FAM184A: variants seen among roughly 807,000 people sequenced by gnomAD.
The protein encoded by FAM184A is protein FAM184A.
A neutral mutation model predicts 143.8 loss-of-function variants in FAM184A; 99 were observed. The ratio of observed to expected loss-of-function variants is 0.69; its 90% CI spans 0.58 to 0.81. The LOEUF (loss-of-function observed/expected upper bound fraction) is 0.81. FAM184A is among the 40% of genes least tolerant of loss of function. The probability of loss-of-function intolerance (pLI) is 0.00; values close to 1 mark genes in which losing one functional copy is unlikely to be tolerated. For missense variants in FAM184A, 1,217 were observed against 1,310.5 expected (o/e 0.93, Z 1.10); for synonymous variants, 427 against 446.4 (o/e 0.96, Z 0.55).
intron 1 of FAM184A, among the ~76,000 whole-genome samples, chr6:119,046,655 A>T (rs1786546727): frequency 6.6e-6 from 1 of 152,218 alleles, no homozygotes; most frequent in South Asian, 2.1e-4. Flanking sequence ...TGTGCTGTAT[A>T]TCAAGTAAAG....
chr6:119,083,028 C>T (rs1203634524), upstream of FAM184A, among the ~76,000 whole-genome samples: 5 of 152,228 alleles, frequency 3.3e-5, no homozygotes, highest in Non-Finnish European at 5.9e-5. Context: ...GGTTCTCAAA[C>T]GTCAATTCTT....
intron 1 of FAM184A, among the ~76,000 whole-genome samples, chr6:119,112,896 C>A (rs148827976): frequency 5.9e-5 from 9 of 152,130 alleles, no homozygotes; most frequent in African/African-American, 2.2e-4. Flanking sequence ...ATGCCTTCTG[C>A]GAAGAAAATC....
intron 1 of FAM184A, among the ~76,000 whole-genome samples, chr6:119,034,334 G>C (rs1473438124): frequency 1.3e-5 from 2 of 151,578 alleles, no homozygotes; most frequent in African/African-American, 2.4e-5. Context: ...GCAGCTATCA[G>C]AACCCATCAC....
chr6:119,137,489 T>G (rs1285157083), intron 1 of FAM184A, among the ~76,000 whole-genome samples: 2 of 152,166 alleles, frequency 1.3e-5, no homozygotes, highest in Non-Finnish European at 2.9e-5. Flanking sequence ...TAATCTTAAT[T>G]ACCTTCTAAA....
In FAM184A at chr6:119,128,624, T is replaced by A. The variant is rs140942579; in HGVS notation, c.-202+20454A>T. Among the ~76,000 whole-genome samples the A allele has an allele frequency of 8.8e-4, 134 of 151,442 alleles. 1 individual carries two copies. Among genetic ancestry groups the A allele is most frequent in the African/African-American group, 3.2e-3 (130 of 41,248 alleles). ...GAGAGGGAGGGAATAAAAGGGTGAG[T>A]GGGGAGGGAAGGAAGAAAAAGAAAA... On this transcript the variant is annotated intron_variant, in intron 1 of 16. Coordinates refer to the FAM184A transcript ENST00000352896.
Position 118,975,112 on chromosome 6 carries a change from G to A in FAM184A, c.2680C>T (p.His894Tyr). 6.2e-7 allele frequency: 1 copy of A among 1,612,368 alleles called. No individual in the cohort carries two copies. Among genetic ancestry groups the A allele is most frequent in the Non-Finnish European group, 8.5e-7 (1 of 1,178,784 alleles). The change falls in exon 13 of 18, where the codon CAT becomes TAT. Residue 894 changes from histidine (H) to tyrosine (Y), a missense_variant. Transcript: ENST00000338891. ...SELDKEVQHL[H>Y]ENISALTKEL... is the part of the protein sequence containing the mutation. Reference sequence around the variant, plus strand: ...TTGGTTAGGGCACTTATATTCTCATGAAGGTGCTGAACCTCCTTATCCAAT... The same window carrying A: ...TTGGTTAGGGCACTTATATTCTCATAAAGGTGCTGAACCTCCTTATCCAAT...
intron 1 of FAM184A, among the ~76,000 whole-genome samples, chr6:119,139,423 C>A (rs888441288): frequency 6.6e-5 from 10 of 152,140 alleles, no homozygotes; most frequent in Admixed American, 2.0e-4. Flanking sequence ...ATCTGGAAAT[C>A]TTTAACTGTG....
chr6:119,076,520 G>A, intron 1 of FAM184A, among the ~76,000 whole-genome samples: 1 of 152,020 alleles, frequency 6.6e-6, no homozygotes, highest in East Asian at 1.9e-4. Flanking sequence ...TCTGATAAAA[G>A]AACAGGAAAC....
At chr6:119,094,487 C>T (rs570225551) in intron 1 of FAM184A, among the ~76,000 whole-genome samples, 7 of 152,312 alleles carry the variant, frequency 4.6e-5, no homozygotes, top group Admixed American at 2.0e-4. Flanking sequence ...CTGTCCACCA[C>T]GGGTGAGAGT....
At chr6:119,053,552 A>G (rs1786845888) in intron 1 of FAM184A, among the ~76,000 whole-genome samples, 1 of 152,200 alleles carries the variant, frequency 6.6e-6, no homozygotes, top group Admixed American at 6.5e-5. Flanking sequence ...CCAAGGGGAT[A>G]TTACACTTCC....
intron 1 of FAM184A, among the ~76,000 whole-genome samples, chr6:119,063,105 T>A (rs886207114): frequency 1.2e-4 from 18 of 152,206 alleles, no homozygotes; most frequent in African/African-American, 4.1e-4. Flanking sequence ...AAAATCCATA[T>A]ACCTAGTAAA....
chr6:119,020,772 C>A (rs930096553), intron 3 of FAM184A, among the ~76,000 whole-genome samples: 1 of 152,012 alleles, frequency 6.6e-6, no homozygotes, highest in South Asian at 2.1e-4. Flanking sequence ...CCCAGGAGTT[C>A]AAGGTTGCAG....
intron 1 of FAM184A, among the ~76,000 whole-genome samples, chr6:119,113,631 GAGAA>G (rs1788988634): frequency 6.9e-6 from 1 of 145,602 alleles, no homozygotes; most frequent in African/African-American, 2.5e-5. Flanking sequence ...GAGAGAGAGA[GAGAA>G]AGAGAGAGAG....
intron 1 of FAM184A, among the ~76,000 whole-genome samples, chr6:119,085,502 G>T (rs1788196180): frequency 1.3e-5 from 2 of 152,096 alleles, no homozygotes; most frequent in African/African-American, 4.8e-5. Context: ...CAACATTTTG[G>T]TCACAAAAAT....
In FAM184A at chr6:118,964,623, A is replaced by C. The variant is rs2275761; in HGVS notation, c.3138+44T>G. The stretch of plus-strand genomic sequence containing the variant: ...AATATTTTCACCAAATTTTTAACCA[A>C]CTTTTAAACCACATTCCTATTCTAC... On this transcript the variant is annotated intron_variant, in intron 16 of 17. Transcript: ENST00000338891. 300 of 1,137,874 alleles carry C rather than the reference A, an allele frequency of 2.6e-4. 2 individuals are homozygous for C. The East Asian group carries it at 5.7e-3, about 22-fold the overall frequency. The allele number at this position is 1,137,874 out of a possible 1,614,324, so 70.5% of individuals were successfully genotyped here.
intron 6 of FAM184A, among the ~76,000 whole-genome samples, chr6:119,007,321 G>T (rs1020672689): frequency 4.6e-5 from 7 of 151,988 alleles, no homozygotes; most frequent in Non-Finnish European, 7.4e-5. Context: ...AGTTGAAATT[G>T]GTAATTTAAA....
Position 119,016,850 on chromosome 6 carries a change from T to C in FAM184A, c.1427A>G (p.Asn476Ser). 1 of 1,614,112 alleles carries C rather than the reference T, an allele frequency of 6.2e-7. No individual in the cohort carries two copies. The highest frequency in any genetic ancestry group is 1.6e-4 in the Middle Eastern group (1 of 6,062). The stretch of plus-strand genomic sequence containing the variant: ...TTCCAAAGTCTTAGAATGGGCCTCG[T>C]TTAATTGAGTCACCTCCTCTTCCAA... ...SRLEEEVTQL[N>S]EAHSKTLEEL... The change falls in exon 5 of 18, where the codon AAC becomes AGC. Residue 476 changes from asparagine (N) to serine (S), a missense_variant. Asn to Ser is a conservative substitution (Grantham distance 46). Coordinates refer to ENST00000338891, the MANE Select transcript of FAM184A (RefSeq NM_024581.6).
intron 1 of FAM184A, among the ~76,000 whole-genome samples, chr6:119,065,229 C>G (rs1389922629): frequency 2.0e-5 from 3 of 152,190 alleles, no homozygotes; most frequent in African/African-American, 7.2e-5. Context: ...CTTGGTCTCT[C>G]TCCCTTCCCA....
intron 1 of FAM184A, among the ~76,000 whole-genome samples, chr6:119,117,501 C>G (rs1385042056): frequency 6.6e-6 from 1 of 152,208 alleles, no homozygotes; most frequent in Non-Finnish European, 1.5e-5. Flanking sequence ...CCCAGGCGGC[C>G]TCTTCCACTG....
Sources: gnomAD v4.1 joint callset for allele counts (sites outside exome capture counted in the v4.1 genomes callset) on GRCh38, gnomAD v4.1.1 for gene constraint, MANE v1.5 for transcripts, NCBI Gene and HGNC (gene_info 2026-07-23, HGNC 2026-07-21) for gene names.